HTR2C: variants seen among roughly 807,000 people sequenced by gnomAD.
HTR2C encodes the protein 5-hydroxytryptamine receptor 2C, also known as 5-hydroxytryptamine (serotonin) receptor 2C, G protein-coupled.
A neutral mutation model predicts 21.0 loss-of-function variants in HTR2C; 5 were observed. The ratio of observed to expected loss-of-function variants is 0.24; its 90% CI spans 0.12 to 0.50. HTR2C has a LOEUF of 0.50. Ranked by LOEUF, HTR2C falls within the 20% of genes least tolerant of loss-of-function variation. The pLI, the probability that HTR2C is intolerant of heterozygous loss-of-function variation, is 0.98. For synonymous variants in HTR2C, 150 were observed against 145.3 expected (o/e 1.03, Z -0.23); for missense variants, 271 against 371.2 (o/e 0.73, Z 2.22).
chrX:114,866,454 G>A (rs972676884), intron 5 of HTR2C, among the ~76,000 whole-genome samples: 18 of 110,030 alleles, frequency 1.6e-4, no homozygotes, highest in African/African-American at 5.9e-4. Flanking sequence ...GCACATAATG[G>A]GGACTGGGAT....
intron 4 of HTR2C, among the ~76,000 whole-genome samples, chrX:114,738,131 G>C (rs1049899763): frequency 9.0e-6 from 1 of 111,659 alleles, no homozygotes; most frequent in Non-Finnish European, 1.9e-5. Context: ...ATATGGGGTG[G>C]GGAAGGGAGA....
chrX:114,587,139 T>C (rs1927433328), intron 1 of HTR2C, among the ~76,000 whole-genome samples: 1 of 111,697 alleles, frequency 9.0e-6, no homozygotes, highest in Non-Finnish European at 1.9e-5. Flanking sequence ...AAAACAAAAT[T>C]TGGGGGAGAG....
chrX:114,848,801 G>A (rs1318618654), intron 5 of HTR2C, among the ~76,000 whole-genome samples: 4 of 111,149 alleles, frequency 3.6e-5, no homozygotes, highest in African/African-American at 1.3e-4. Flanking sequence ...AAGATTTGTA[G>A]CAGTTTAAAG....
chrX:114,600,177 A>C (rs1317418799), intron 1 of HTR2C, among the ~76,000 whole-genome samples: 2 of 112,421 alleles, frequency 1.8e-5, no homozygotes, highest in Non-Finnish European at 3.8e-5. Context: ...AGGTTAAGTC[A>C]TGTGCCCAAA....
At chrX:114,803,960 C>T (rs184508402) in intron 4 of HTR2C, among the ~76,000 whole-genome samples, 13 of 111,750 alleles carry the variant, frequency 1.2e-4, no homozygotes, top group Admixed American at 2.9e-4. Context: ...TAAAGGAACA[C>T]CTAAATTGTG....
Position 114,647,956 on chromosome X carries a change from T to A in HTR2C, c.-80+34075T>A, listed in dbSNP as rs782123073. On this transcript the variant is annotated intron_variant, in intron 2 of 5. Coordinates refer to ENST00000276198, the MANE Select transcript of HTR2C (RefSeq NM_000868.4). ...CCTGTGTTAATGGCTGTACTCCCTG[T>A]AAGAAAAGACAGATTAATAAGAGAA... Among the ~76,000 whole-genome samples the A allele has an allele frequency of 2.7e-5, 3 of 112,544 alleles. No homozygotes were observed. The South Asian group carries it at 1.1e-3, about 41-fold the overall frequency.
chrX:114,780,837 C>T (rs138693259), intron 4 of HTR2C, among the ~76,000 whole-genome samples: 139 of 111,529 alleles, frequency 1.2e-3, no homozygotes, highest in African/African-American at 4.3e-3. Flanking sequence ...CAATTAGGCA[C>T]GCACAAGTTC....
intron 2 of HTR2C, among the ~76,000 whole-genome samples, chrX:114,698,112 C>T (rs781967203): frequency 8.9e-6 from 1 of 112,334 alleles, no homozygotes; most frequent in African/African-American, 3.2e-5. Context: ...TAACGAGGCC[C>T]TTTCCATGGT....
At chrX:114,832,259 T>G (rs5988141) in intron 4 of HTR2C, among the ~76,000 whole-genome samples, 423 of 20,773 alleles carry the variant, frequency 0.02, 77 homozygotes, top group African/African-American at 0.062. Flanking sequence ...GCTTGATGGG[T>G]ATGGCATTGA....
At chrX:114,864,033 A>G (rs1304787306) in intron 5 of HTR2C, among the ~76,000 whole-genome samples, 1 of 103,849 alleles carries the variant, frequency 9.6e-6, no homozygotes, top group African/African-American at 3.5e-5. Context: ...TCTTTAAAGC[A>G]TAAGTGAGTT....
At chrX:114,672,496 AT>A (rs782123186) in intron 2 of HTR2C, among the ~76,000 whole-genome samples, 3 of 112,363 alleles carry the variant, frequency 2.7e-5, no homozygotes, top group Non-Finnish European at 5.6e-5. Flanking sequence ...AAGCTAAATT[AT>A]TTTTTAAAGG....
intron 4 of HTR2C, among the ~76,000 whole-genome samples, chrX:114,806,505 CCA>C: frequency 1.1e-5 from 1 of 87,276 alleles, no homozygotes; most frequent in African/African-American, 4.3e-5. Flanking sequence ...TATATATACA[CCA>C]TATATACACC....
At chrX:114,757,990 C>G (rs782528812) in intron 4 of HTR2C, among the ~76,000 whole-genome samples, 3 of 110,788 alleles carry the variant, frequency 2.7e-5, no homozygotes, top group African/African-American at 6.6e-5. Context: ...CACACACACA[C>G]AGAAATAATA....
chrX:114,656,088 A>G (rs943017005), intron 2 of HTR2C, among the ~76,000 whole-genome samples: 1 of 110,722 alleles, frequency 9.0e-6, no homozygotes, highest in African/African-American at 3.3e-5. Context: ...ACTGGGGACC[A>G]TTGTCAATTA....
chrX:114,624,934 G>T (rs1292423316), intron 2 of HTR2C, among the ~76,000 whole-genome samples: 2 of 111,641 alleles, frequency 1.8e-5, no homozygotes, highest in Non-Finnish European at 3.8e-5. Context: ...TGCTAAATAA[G>T]GCTCTATAAA....
intron 2 of HTR2C, among the ~76,000 whole-genome samples, chrX:114,616,159 T>G (rs976202824): frequency 9.0e-6 from 1 of 111,579 alleles, no homozygotes; most frequent in Admixed American, 9.5e-5. Flanking sequence ...TAATTCTTAC[T>G]GTAAATAGAA....
chrX:114,819,832 G>C (rs782663002), intron 4 of HTR2C, among the ~76,000 whole-genome samples: 1 of 112,563 alleles, frequency 8.9e-6, no homozygotes, highest in African/African-American at 3.2e-5. Flanking sequence ...TGCTTGTTTA[G>C]CTGCTAGAGA....
chrX:114,879,691 G>C (rs993536391), intron 5 of HTR2C, among the ~76,000 whole-genome samples: 7 of 110,635 alleles, frequency 6.3e-5, no homozygotes, highest in African/African-American at 2.3e-4. Flanking sequence ...TACAATGTTT[G>C]GTTTTCCATT....
chrX:114,825,497 C>A (rs2070670635), intron 4 of HTR2C, among the ~76,000 whole-genome samples: 1 of 111,570 alleles, frequency 9.0e-6, no homozygotes. Flanking sequence ...TTGATTGCAA[C>A]CATTTTAATT....
Sources: allele counts gnomAD v4.1 joint callset (sites outside exome capture counted in the v4.1 genomes callset), GRCh38; gene constraint gnomAD v4.1.1; transcripts MANE v1.5; gene names NCBI Gene and HGNC (gene_info 2026-07-23, HGNC 2026-07-21).